GRHL2: variants seen among roughly 807,000 people sequenced by gnomAD.
The protein encoded by GRHL2 is grainyhead-like protein 2 homolog.
A neutral mutation model predicts 83.8 loss-of-function variants in GRHL2; 21 were observed. The observed-to-expected ratio is 0.25, with a 90% CI of 0.18 to 0.36. The LOEUF (loss-of-function observed/expected upper bound fraction) is 0.36. GRHL2 is among the 10% of genes least tolerant of loss of function. GRHL2 has a pLI of 1.00. For missense variants in GRHL2, 623 were observed against 781.8 expected (o/e 0.80, Z 2.42); for synonymous variants, 280 against 278.9 (o/e 1.00, Z -0.04).
chr8:101,492,956 T>A, intron 1 of GRHL2, 167 bp downstream of exon 1: 1 of 699,024 alleles, frequency 1.4e-6, no homozygotes, highest in Non-Finnish European at 2.6e-6. Context: ...TCTACCCTGA[T>A]TAAGGGGAGA....
chr8:101,504,735 T>C (rs1219687688), intron 1 of GRHL2, among the ~76,000 whole-genome samples: 2 of 151,978 alleles, frequency 1.3e-5, no homozygotes, highest in Non-Finnish European at 1.5e-5. Context: ...ATCTGACTGC[T>C]TCTGCAAGCT....
chr8:101,672,034 C>G (rs973840528), downstream of GRHL2, among the ~76,000 whole-genome samples: 8 of 151,758 alleles, frequency 5.3e-5, no homozygotes, highest in African/African-American at 1.9e-4. Flanking sequence ...AAAGGACATC[C>G]ACACCAAAAA....
At chr8:101,498,711 G>C (rs1164791266) in intron 1 of GRHL2, among the ~76,000 whole-genome samples, 2 of 152,136 alleles carry the variant, frequency 1.3e-5, no homozygotes, top group African/African-American at 4.8e-5. Context: ...GTAAGTATTA[G>C]AGCAATCAAT....
At chr8:101,554,446 T>A (rs1283700357) in intron 3 of GRHL2, among the ~76,000 whole-genome samples, 1 of 152,204 alleles carries the variant, frequency 6.6e-6, no homozygotes, top group Admixed American at 6.5e-5. Context: ...CAAGTGAGTA[T>A]CTCTTAGGAC....
chr8:101,636,921 C>G lies in GRHL2; in HGVS notation c.1510C>G (p.Arg504Gly). The G allele has an allele frequency of 6.2e-7, 1 of 1,613,466 alleles. No homozygotes were observed. The highest frequency in any genetic ancestry group is 2.2e-5 in the East Asian group (1 of 44,874). Residue 504 changes from arginine to glycine, a missense_variant, in exon 12 of 16, where the codon CGA becomes GGA. Around this residue, in one of 8 missense-constraint regions of GRHL2, gnomAD observed 210 missense variants for 254.8 expected, o/e 0.82. Coordinates refer to ENST00000646743, the MANE Select transcript of GRHL2 (RefSeq NM_024915.4). ...GGTGTATTACAACACGGATGATGAA[C>G]GAGAAGGGTAAGACACTCAGTTCTT... ...GQVYYNTDDE[R>G]EGGSVLVKRM... is the part of the protein sequence containing the mutation.
chr8:101,558,305 T>A, intron 3 of GRHL2, 114 bp from the exon 4 acceptor site: 2 of 1,258,772 alleles, frequency 1.6e-6, no homozygotes, highest in Non-Finnish European at 2.3e-6. Context: ...CAGCCCCCTG[T>A]CCCTTAATGG....
intron 1 of GRHL2, among the ~76,000 whole-genome samples, chr8:101,509,133 C>T (rs13262889): frequency 6.8e-5 from 4 of 58,924 alleles, no homozygotes; most frequent in Non-Finnish European, 9.9e-5. Flanking sequence ...TTCCTTCCTT[C>T]CTTCCTTCCT....
intron 15 of GRHL2, among the ~76,000 whole-genome samples, chr8:101,665,770 A>G (rs1814037592): frequency 6.6e-6 from 1 of 151,932 alleles, no homozygotes. Context: ...GAAAGGCTAA[A>G]CAGCTTGCCT....
chr8:101,569,616 T>A (rs914586972), intron 4 of GRHL2, among the ~76,000 whole-genome samples: 6 of 152,122 alleles, frequency 3.9e-5, no homozygotes, highest in African/African-American at 1.4e-4. Flanking sequence ...ACTACAGGGA[T>A]GAGCCACCAC....
At chr8:101,594,171 C>T (rs1484468722) in intron 7 of GRHL2, among the ~76,000 whole-genome samples, 2 of 150,380 alleles carry the variant, frequency 1.3e-5, no homozygotes, top group East Asian at 2.0e-4. Context: ...AAGCGGAGAT[C>T]GGAGATCGGA....
intron 1 of GRHL2, among the ~76,000 whole-genome samples, chr8:101,505,236 A>T (rs879555223): frequency 2.0e-4 from 31 of 152,044 alleles, no homozygotes; most frequent in Non-Finnish European, 4.3e-4. Flanking sequence ...CAAACCTCAA[A>T]TACTATATCT....
intron 9 of GRHL2, among the ~76,000 whole-genome samples, chr8:101,629,111 G>T (rs1313646701): frequency 6.6e-6 from 1 of 152,148 alleles, no homozygotes; most frequent in Non-Finnish European, 1.5e-5. Flanking sequence ...ACAGCATCAC[G>T]TGTTACAGAG....
At chr8:101,601,610 C>A (rs918004166) in intron 8 of GRHL2, among the ~76,000 whole-genome samples, 1 of 152,110 alleles carries the variant, frequency 6.6e-6, no homozygotes, top group East Asian at 1.9e-4. Context: ...AGCTCACATA[C>A]GCTTTGAAAA....
intron 12 of GRHL2, among the ~76,000 whole-genome samples, chr8:101,643,748 C>T (rs542565517): frequency 6.6e-6 from 1 of 152,380 alleles, no homozygotes; most frequent in East Asian, 1.9e-4. Flanking sequence ...CAGGCCTCAG[C>T]TGGTTGGGAG....
chr8:101,613,517 A>C (rs1225241426), intron 8 of GRHL2, among the ~76,000 whole-genome samples: 1 of 150,982 alleles, frequency 6.6e-6, no homozygotes, highest in Non-Finnish European at 1.5e-5. Context: ...TGATGAATAC[A>C]TGCATAAAAA....
chr8:101,565,191 G>T (rs931984947), intron 4 of GRHL2, among the ~76,000 whole-genome samples: 4 of 152,148 alleles, frequency 2.6e-5, no homozygotes, highest in Non-Finnish European at 5.9e-5. Context: ...CAAAGATCAT[G>T]CCACTAATAA....
chr8:101,568,818 G>A (rs1811767541), intron 4 of GRHL2, among the ~76,000 whole-genome samples: 1 of 151,986 alleles, frequency 6.6e-6, no homozygotes, highest in Admixed American at 6.6e-5. Context: ...CAATTATTTG[G>A]GCAATGTTCC....
chr8:101,522,963 G>A (rs1436524357), intron 1 of GRHL2, among the ~76,000 whole-genome samples: 1 of 151,512 alleles, frequency 6.6e-6, no homozygotes, highest in Non-Finnish European at 1.5e-5. Context: ...AGGCTGGAGT[G>A]CAGTGGTGCG....
chr8:101,579,932 G>A lies in GRHL2; in HGVS notation c.1003+2413G>A, dbSNP rs1261354118. 2.0e-5 allele frequency among the ~76,000 whole-genome samples: 3 copies of A among 152,094 alleles called. No individual in the cohort carries two copies. The East Asian group carries it at 5.8e-4, about 29-fold the overall frequency. ...CGTGGGCCGTACATTTGCTAGTTTTGGTTAGGAACATTCTAATGGCCTAAA... is the reference window on the plus strand; with the variant it reads ...CGTGGGCCGTACATTTGCTAGTTTTAGTTAGGAACATTCTAATGGCCTAAA... On this transcript the variant is annotated intron_variant, in intron 7 of 15. Coordinates refer to ENST00000646743, the MANE Select transcript of GRHL2 (RefSeq NM_024915.4).
Sources: gnomAD v4.1 joint callset for allele counts (sites outside exome capture counted in the v4.1 genomes callset) on GRCh38, gnomAD v4.1.1 for gene constraint, gnomAD v4.1.1 regional missense constraint, MANE v1.5 for transcripts, NCBI Gene and HGNC (gene_info 2026-07-23, HGNC 2026-07-21) for gene names.